ZNF292: variants seen among roughly 807,000 people sequenced by gnomAD.
ZNF292 encodes zinc finger protein 292.
In ZNF292, 26 loss-of-function variants were observed where a neutral mutation model predicts 217.9. The ratio of observed to expected loss-of-function variants is 0.12; its 90% CI spans 0.09 to 0.17. ZNF292 has a LOEUF of 0.17. Among genes scored for constraint, ZNF292 ranks in the 10% least tolerant of loss-of-function variants. The probability of loss-of-function intolerance (pLI) is 1.00; values close to 1 mark genes in which losing one functional copy is unlikely to be tolerated. For missense variants in ZNF292, 2,904 were observed against 3,175.2 expected (o/e 0.91, Z 2.05); for synonymous variants, 1,257 against 1,124.1 (o/e 1.12, Z -2.37).
At chr6:87,237,668 C>T (rs1395511285) in intron 5 of ZNF292, among the ~76,000 whole-genome samples, 2 of 152,188 alleles carry the variant, frequency 1.3e-5, no homozygotes, top group African/African-American at 4.8e-5. Flanking sequence ...TTAAAACATA[C>T]AAATTATTAT....
Position 87,155,779 on chromosome 6 carries a change from C to A in ZNF292, c.168+20C>A. 2 of 1,572,596 alleles carry A rather than the reference C, an allele frequency of 1.3e-6. No homozygotes were observed. Among genetic ancestry groups the A allele is most frequent in the South Asian group, 1.2e-5 (1 of 85,736 alleles). The stretch of plus-strand genomic sequence containing the variant: ...TGCCAGGTGAGGGCGCCCGGTGGTC[C>A]CCTCCCCCTTTCCCCAGCTAGAGGG... On this transcript the variant is annotated intron_variant, in intron 1 of 7. Transcript: ENST00000369577.
rs1775245712 is a variant in ZNF292, at chr6:87,256,808, T to G, written c.3179T>G (p.Leu1060Arg). The G allele has an allele frequency of 6.2e-7, 1 of 1,613,536 alleles. No homozygotes were observed. The highest frequency in any genetic ancestry group is 8.5e-7 in the Non-Finnish European group (1 of 1,179,818). Reference protein sequence around the residue: ...CGDNVKTSSNLYNLPLKTLES... With the variant: ...CGDNVKTSSNRYNLPLKTLES... ...GATAATGTTAAAACATCATCCAATC[T>G]TTATAATTTACCTCTTAAGACATTA... Residue 1060 changes from leucine to arginine, a missense_variant, in exon 8 of 8, where the codon CTT becomes CGT. Physicochemically the swap from Leu to Arg is moderately radical, Grantham distance 102. Coordinates refer to ENST00000369577, the MANE Select transcript of ZNF292 (RefSeq NM_015021.3).
chr6:87,222,696 T>A, intron 4 of ZNF292: 1 of 405,832 alleles, frequency 2.5e-6, no homozygotes, highest in East Asian at 7.1e-5. Flanking sequence ...CTAATATTTA[T>A]ACTTTGTTAT....
chr6:87,163,229 A>C (rs1204248935), intron 1 of ZNF292, among the ~76,000 whole-genome samples: 1 of 152,206 alleles, frequency 6.6e-6, no homozygotes, highest in Non-Finnish European at 1.5e-5. Context: ...AGGCGGGCAG[A>C]TCATGAAGTC....
chr6:87,172,251 A>G (rs1284309256), intron 1 of ZNF292, among the ~76,000 whole-genome samples: 2 of 152,204 alleles, frequency 1.3e-5, no homozygotes, highest in African/African-American at 4.8e-5. Context: ...ATTAAAAAGT[A>G]ATCAGGAAAT....
At chr6:87,166,082 G>A (rs895505101) in intron 1 of ZNF292, among the ~76,000 whole-genome samples, 1 of 152,144 alleles carries the variant, frequency 6.6e-6, no homozygotes, top group Non-Finnish European at 1.5e-5. Context: ...TAAAGTGAAT[G>A]CTAGAAACCC....
intron 4 of ZNF292, among the ~76,000 whole-genome samples, chr6:87,225,057 A>T (rs1172878030): frequency 5.9e-5 from 9 of 152,204 alleles, no homozygotes; most frequent in African/African-American, 2.2e-4. Context: ...TAGCCATTCT[A>T]ATAGGCATGT....
chr6:87,239,388 C>G (rs1174249820), intron 5 of ZNF292, among the ~76,000 whole-genome samples: 399 of 28,734 alleles, frequency 0.014, 1 homozygote, highest in African/African-American at 0.048. Context: ...GGCTGGCGGG[C>G]CGGGGGCTGG....
chr6:87,193,086 T>C (rs955750303), intron 1 of ZNF292, among the ~76,000 whole-genome samples: 2 of 152,164 alleles, frequency 1.3e-5, no homozygotes, highest in Non-Finnish European at 2.9e-5. Context: ...ACCTTTGGGC[T>C]CAAGCAGTTC....
At position 87,260,633 on chromosome 6, in the gene ZNF292, G is replaced by GA; in HGVS notation, c.7007dup (p.Lys2337GlufsTer4). On this transcript the variant is annotated frameshift_variant, in exon 8 of 8. Coordinates refer to ENST00000369577, the MANE Select transcript of ZNF292 (RefSeq NM_015021.3). LOFTEE classifies it high-confidence loss of function. ...GGAATAAAAATGCCCAAGACCAAAC[G>GA]AAAGAAAAAAAATAATTTAGAAAAC... 1 of 1,611,532 alleles carries GA rather than the reference G, an allele frequency of 6.2e-7. No homozygotes were observed. The highest frequency in any genetic ancestry group is 8.5e-7 in the Non-Finnish European group (1 of 1,179,120).
intron 1 of ZNF292, among the ~76,000 whole-genome samples, chr6:87,201,286 G>T (rs1772092925): frequency 6.6e-6 from 1 of 152,058 alleles, no homozygotes. Context: ...TAATTCTATT[G>T]TATCTGCAGT....
chr6:87,203,383 TC>T (rs1423007708), intron 1 of ZNF292, among the ~76,000 whole-genome samples: 1 of 151,998 alleles, frequency 6.6e-6, no homozygotes, highest in East Asian at 1.9e-4. Context: ...GCTTAAGTGA[TC>T]CACCCGCCTC....
chr6:87,163,893 G>T (rs1770830933), intron 1 of ZNF292, among the ~76,000 whole-genome samples: 1 of 152,140 alleles, frequency 6.6e-6, no homozygotes, highest in Admixed American at 6.5e-5. Flanking sequence ...ACCAGACTAA[G>T]ACTTTAGGAT....
intron 4 of ZNF292, among the ~76,000 whole-genome samples, chr6:87,227,220 C>G (rs1373669188): frequency 1.3e-5 from 2 of 152,090 alleles, no homozygotes; most frequent in East Asian, 3.9e-4. Flanking sequence ...TTGGAAGTTA[C>G]CATGAGCAGT....
At chr6:87,180,374 G>A (rs998728431) in intron 1 of ZNF292, among the ~76,000 whole-genome samples, 2 of 152,212 alleles carry the variant, frequency 1.3e-5, no homozygotes, top group African/African-American at 4.8e-5. Flanking sequence ...ATGCACGGCT[G>A]CCAGTAGTGT....
chr6:87,164,231 C>T (rs73501641), intron 1 of ZNF292, among the ~76,000 whole-genome samples: 12,407 of 152,152 alleles, frequency 0.082, 855 homozygotes, highest in African/African-American at 0.19. Context: ...TGGTGGTTGT[C>T]AGACAGGCTG....
chr6:87,214,814 G>A (rs984461070), intron 1 of ZNF292, among the ~76,000 whole-genome samples: 9 of 152,008 alleles, frequency 5.9e-5, no homozygotes, highest in African/African-American at 1.2e-4. Context: ...TATTGCTTTC[G>A]TCTAATCACT....
At chr6:87,167,215 A>G (rs1770947303) in intron 1 of ZNF292, among the ~76,000 whole-genome samples, 1 of 152,244 alleles carries the variant, frequency 6.6e-6, no homozygotes. Context: ...CAGACACTGT[A>G]CTATTGGTAT....
intron 3 of ZNF292, among the ~76,000 whole-genome samples, chr6:87,216,581 A>G (rs906636933): frequency 6.6e-6 from 1 of 152,050 alleles, no homozygotes; most frequent in Admixed American, 6.6e-5. Context: ...AGATTGAATA[A>G]TCGTTATGAT....
Sources: allele counts gnomAD v4.1 joint callset (sites outside exome capture counted in the v4.1 genomes callset), GRCh38; gene constraint gnomAD v4.1.1; transcripts MANE v1.5; gene names NCBI Gene and HGNC (gene_info 2026-07-23, HGNC 2026-07-21).